Variants in REDIC1 observed in about 807,000 individuals in gnomAD.
REDIC1 encodes the protein HEI10 Interacting Protein 1.
At chr12:39,862,741 A>G in the REDIC1 span, among the ~76,000 whole-genome samples, 3 of 152,164 alleles carry the variant, frequency 2.0e-5, no homozygotes, top group Non-Finnish European at 2.9e-5. Context: ...ATAATAGTGG[A>G]CCATATTTAT....
chr12:39,857,099 A>AT, the REDIC1 span, among the ~76,000 whole-genome samples: 1 of 152,242 alleles, frequency 6.6e-6, no homozygotes, highest in Non-Finnish European at 1.5e-5. Context: ...GAATAAGAAT[A>AT]TAAGTCCCAT....
the REDIC1 span, chr12:39,830,496 TC>T: frequency 8.6e-7 from 1 of 1,158,904 alleles, no homozygotes; most frequent in East Asian, 4.6e-5. Flanking sequence ...TGTAGAAGAG[TC>T]CCCATCAATC....
the REDIC1 span, among the ~76,000 whole-genome samples, chr12:39,634,456 A>G: frequency 6.6e-6 from 1 of 152,176 alleles, no homozygotes. Context: ...AATGGAACAG[A>G]ACAGAAGCCT....
At chr12:39,665,970 A>G in the REDIC1 span, among the ~76,000 whole-genome samples, 2 of 152,140 alleles carry the variant, frequency 1.3e-5, no homozygotes, top group South Asian at 2.1e-4. Context: ...GGAGATTTTG[A>G]GCTGAGACGA....
At chr12:39,861,782 G>A in the REDIC1 span, among the ~76,000 whole-genome samples, 2 of 152,124 alleles carry the variant, frequency 1.3e-5, no homozygotes, top group East Asian at 3.8e-4. Flanking sequence ...TTTTATACAG[G>A]TGGCCAAACA....
the REDIC1 span, chr12:39,643,895 A>G: frequency 6.4e-7 from 1 of 1,555,686 alleles, no homozygotes; most frequent in Non-Finnish European, 8.7e-7. Flanking sequence ...TAAATCAGAT[A>G]TCTTGCAAGA....
At chr12:39,778,098 T>C in the REDIC1 span, among the ~76,000 whole-genome samples, 1 of 152,040 alleles carries the variant, frequency 6.6e-6, no homozygotes, top group East Asian at 1.9e-4. Flanking sequence ...CCCCTAGAGG[T>C]TTGAGCAGCA....
the REDIC1 span, among the ~76,000 whole-genome samples, chr12:39,777,452 A>C: frequency 3.9e-5 from 6 of 152,246 alleles, no homozygotes; most frequent in African/African-American, 1.4e-4. Context: ...TTTAAATGAT[A>C]TGGAAGGGAA....
the REDIC1 span, among the ~76,000 whole-genome samples, chr12:39,732,617 T>C: frequency 3.3e-5 from 5 of 152,222 alleles, no homozygotes; most frequent in African/African-American, 1.2e-4. Flanking sequence ...ATAGTTTATA[T>C]AAGAAAGGCA....
chr12:39,846,904 G>A, the REDIC1 span, among the ~76,000 whole-genome samples: 3 of 152,144 alleles, frequency 2.0e-5, no homozygotes, highest in South Asian at 4.1e-4. Context: ...GGCAGATACT[G>A]TGACCATTCT....
At chr12:39,756,839 C>T in the REDIC1 span, 2 of 151,496 alleles carry the variant, frequency 1.3e-5, no homozygotes, top group Admixed American at 6.6e-5. Flanking sequence ...CTCTTATGTA[C>T]TAAAATCAGG....
chr12:39,831,589 T>A, the REDIC1 span, among the ~76,000 whole-genome samples: 1 of 152,152 alleles, frequency 6.6e-6, no homozygotes. Flanking sequence ...ATGTTGGTCC[T>A]TTCCAAATCT....
chr12:39,761,842 T>C, the REDIC1 span, among the ~76,000 whole-genome samples: 2 of 152,126 alleles, frequency 1.3e-5, no homozygotes, highest in Non-Finnish European at 2.9e-5. Flanking sequence ...CAAACCCAGT[T>C]TGACTTTTAA....
the REDIC1 span, among the ~76,000 whole-genome samples, chr12:39,889,593 C>T: frequency 1.4e-5 from 2 of 142,956 alleles, no homozygotes; most frequent in Admixed American, 1.5e-4. Flanking sequence ...ACTGCAGTAG[C>T]ACCATCTTGG....
chr12:39,641,071 T>G, the REDIC1 span: 1 of 1,145,088 alleles, frequency 8.7e-7, no homozygotes, highest in Admixed American at 1.9e-5. Flanking sequence ...CACTAATACA[T>G]TCACCTAAGT....
the REDIC1 span, chr12:39,684,998 A>G: frequency 9.3e-7 from 1 of 1,072,576 alleles, no homozygotes; most frequent in Non-Finnish European, 1.4e-6. Context: ...ACTGTATTTA[A>G]CGTTCACTTT....
At chr12:39,806,126 C>CCGAGA in the REDIC1 span, among the ~76,000 whole-genome samples, 1 of 152,118 alleles carries the variant, frequency 6.6e-6, no homozygotes, top group Admixed American at 6.6e-5. Context: ...ATGCAAGTTT[C>CCGAGA]ACAAGAGCTT....
At chr12:39,871,479 A>C in the REDIC1 span, among the ~76,000 whole-genome samples, 6 of 105,432 alleles carry the variant, frequency 5.7e-5, no homozygotes, top group African/African-American at 8.5e-5. Context: ...TTTTCAAAAA[A>C]GGATAGAAAA....
At chr12:39,840,024 CT>C in the REDIC1 span, among the ~76,000 whole-genome samples, 2 of 151,212 alleles carry the variant, frequency 1.3e-5, no homozygotes, top group South Asian at 2.1e-4. Context: ...ACTCTCCATT[CT>C]TTTTTTTTGT....
Sources: allele counts gnomAD v4.1 joint callset (sites outside exome capture counted in the v4.1 genomes callset), GRCh38; gene constraint gnomAD v4.1.1; transcripts MANE v1.5; gene names NCBI Gene and HGNC (gene_info 2026-07-23, HGNC 2026-07-21).